The following SLC9A9 variants were observed in gnomAD, a reference collection of about 807,000 sequenced individuals.
SLC9A9 encodes solute carrier family 9 member A9.
A neutral mutation model predicts 77.8 loss-of-function variants in SLC9A9; 62 were observed. The observed-to-expected ratio is 0.80, with a 90% CI of 0.65 to 0.98. The LOEUF (loss-of-function observed/expected upper bound fraction) is 0.98. Ranked by LOEUF, SLC9A9 falls within the 50% of genes least tolerant of loss-of-function variation. The pLI is 0.00. For missense variants in SLC9A9, 775 were observed against 774.9 expected (o/e 1.00, Z 0.00); for synonymous variants, 320 against 283.5 (o/e 1.13, Z -1.29).
At chr3:143,374,443 A>G (rs1221086548) in intron 13 of SLC9A9, among the ~76,000 whole-genome samples, 2 of 150,452 alleles carry the variant, frequency 1.3e-5, no homozygotes, top group South Asian at 2.1e-4. Flanking sequence ...AAAAAAAAAA[A>G]AAAGAAAAAA....
At chr3:143,679,712 T>A (rs1453914443) in intron 5 of SLC9A9, among the ~76,000 whole-genome samples, 1 of 152,122 alleles carries the variant, frequency 6.6e-6, no homozygotes, top group Non-Finnish European at 1.5e-5. Context: ...AATTCAATAG[T>A]TGATACTCCT....
chr3:143,286,418 C>G (rs1938383854), intron 14 of SLC9A9, among the ~76,000 whole-genome samples: 1 of 152,178 alleles, frequency 6.6e-6, no homozygotes, highest in African/African-American at 2.4e-5. Flanking sequence ...AGAGCTCCTT[C>G]TATTGGCTTT....
chr3:143,547,372 G>A (rs1327116396), intron 9 of SLC9A9, among the ~76,000 whole-genome samples: 2 of 152,170 alleles, frequency 1.3e-5, no homozygotes, highest in African/African-American at 2.4e-5. Flanking sequence ...CTACACAACA[G>A]CTCCACTTTG....
intron 9 of SLC9A9, chr3:143,503,342 G>T: frequency 3.3e-6 from 1 of 305,860 alleles, no homozygotes. Flanking sequence ...GTCATATCAG[G>T]AAATGAGCTT....
chr3:143,847,833 A>G, intron 1 of SLC9A9: 1 of 397,666 alleles, frequency 2.5e-6, no homozygotes, highest in South Asian at 2.6e-5. Context: ...CAGAGCCATC[A>G]CTTCCCAACA....
At chr3:143,355,350 A>AAAT (rs1241508017) in intron 14 of SLC9A9, among the ~76,000 whole-genome samples, 2 of 152,232 alleles carry the variant, frequency 1.3e-5, no homozygotes, top group African/African-American at 4.8e-5. Context: ...CAGTAGGTAT[A>AAAT]AATAATAATA....
intron 4 of SLC9A9, among the ~76,000 whole-genome samples, chr3:143,738,384 T>C: frequency 6.6e-6 from 1 of 152,188 alleles, no homozygotes; most frequent in East Asian, 1.9e-4. Context: ...ACACCTTGAC[T>C]TCCCCCTCTA....
chr3:143,691,420 G>C (rs1247707468), intron 5 of SLC9A9, among the ~76,000 whole-genome samples: 1 of 152,102 alleles, frequency 6.6e-6, no homozygotes, highest in South Asian at 2.1e-4. Flanking sequence ...ACCCACATTC[G>C]AGAGCTGGCC....
chr3:143,580,434 T>C (rs1029366762), intron 6 of SLC9A9, among the ~76,000 whole-genome samples: 1 of 152,128 alleles, frequency 6.6e-6, no homozygotes, highest in African/African-American at 2.4e-5. Flanking sequence ...CTTCCAGAAG[T>C]GTTTCCCTGG....
At chr3:143,561,517 C>T (rs1373831934) in intron 8 of SLC9A9, among the ~76,000 whole-genome samples, 4 of 152,206 alleles carry the variant, frequency 2.6e-5, no homozygotes, top group East Asian at 3.9e-4. Context: ...AAGAGCTGCA[C>T]GGTAAGAGTA....
At position 143,282,340 on chromosome 3, in the gene SLC9A9, A is replaced by T. The variant is rs1938245604; in HGVS notation, c.1605-13360T>A. ...GCCTTTCTAGACTATTGAGTTTCCA[A>T]TACCCACCAAATACTTTACAGACTT... On this transcript the variant is annotated intron_variant, in intron 14 of 15. Transcript: ENST00000316549. Among the ~76,000 whole-genome samples, 3 of 152,190 alleles carry T rather than the reference A, an allele frequency of 2.0e-5. No individual in the cohort carries two copies. In the South Asian group the frequency reaches 6.2e-4, roughly 32 times the overall value.
intron 12 of SLC9A9, among the ~76,000 whole-genome samples, chr3:143,386,824 T>C (rs2033437585): frequency 6.6e-6 from 1 of 152,088 alleles, no homozygotes; most frequent in South Asian, 2.1e-4. Context: ...GTTTCCCAGG[T>C]TTTGATTTTT....
chr3:143,794,152 C>A (rs758349027), intron 4 of SLC9A9, among the ~76,000 whole-genome samples: 5 of 152,186 alleles, frequency 3.3e-5, no homozygotes, highest in African/African-American at 9.7e-5. Context: ...TCAATTGACA[C>A]ACACTAGAAA....
chr3:143,407,710 A>T (rs16853555), intron 12 of SLC9A9, among the ~76,000 whole-genome samples: 8,345 of 152,258 alleles, frequency 0.055, 322 homozygotes, highest in African/African-American at 0.11. Context: ...TCATGACTCA[A>T]GTTCCTCCCA....
chr3:143,718,644 G>A (rs1438376513), intron 4 of SLC9A9, among the ~76,000 whole-genome samples: 1 of 152,102 alleles, frequency 6.6e-6, no homozygotes, highest in Non-Finnish European at 1.5e-5. Flanking sequence ...TTCTGCTATT[G>A]CCCTTTAAGC....
chr3:143,282,258 C>T (rs1054173091), intron 14 of SLC9A9, among the ~76,000 whole-genome samples: 1 of 152,012 alleles, frequency 6.6e-6, no homozygotes, highest in Non-Finnish European at 1.5e-5. Flanking sequence ...CAACACATAC[C>T]CCCCCAAACC....
intron 5 of SLC9A9, among the ~76,000 whole-genome samples, chr3:143,653,923 G>A (rs999847018): frequency 4.6e-5 from 7 of 152,142 alleles, no homozygotes; most frequent in African/African-American, 1.7e-4. Flanking sequence ...GACATAGTAA[G>A]CCTTTAATGA....
chr3:143,582,244 G>A (rs1243433923), intron 6 of SLC9A9, among the ~76,000 whole-genome samples: 1 of 152,118 alleles, frequency 6.6e-6, no homozygotes, highest in Non-Finnish European at 1.5e-5. Flanking sequence ...ATGGCCTTGG[G>A]CAAGTTACTG....
In SLC9A9 at chr3:143,266,705, A is replaced by G. The variant is rs1055440099; in HGVS notation, c.1935T>C (p.Asn645=). 8 of 1,614,118 alleles carry G rather than the reference A, an allele frequency of 5.0e-6. No homozygotes were observed. The highest frequency in any genetic ancestry group is 6.8e-6 in the Non-Finnish European group (8 of 1,180,012). Residue 645 remains asparagine (N), a synonymous_variant, in exon 16 of 16, where the codon AAT becomes AAC. Coordinates refer to ENST00000316549, the MANE Select transcript of SLC9A9 (RefSeq NM_173653.4). Reference sequence around the variant, plus strand: ...ACATCTGTACTCTTCATGCCAATTAATTCAACTGGGATTGACCCAAAGTTT... The same window carrying G: ...ACATCTGTACTCTTCATGCCAATTAGTTCAACTGGGATTGACCCAAAGTTT... ...LEQTLGQSQL[N] is the part of the protein sequence containing the mutation.
Sources: gnomAD v4.1 joint callset for allele counts (sites outside exome capture counted in the v4.1 genomes callset) on GRCh38, gnomAD v4.1.1 for gene constraint, MANE v1.5 for transcripts, NCBI Gene and HGNC (gene_info 2026-07-23, HGNC 2026-07-21) for gene names.